The following AKNA variants were observed in gnomAD, a reference collection of about 807,000 sequenced individuals.
AKNA encodes microtubule organization protein AKNA.
AKNA carries 67 observed loss-of-function variants against 138.8 expected under a neutral mutation model. The ratio of observed to expected loss-of-function variants is 0.48; its 90% confidence interval spans 0.40 to 0.59. The LOEUF (loss-of-function observed/expected upper bound fraction) is 0.59. Among genes scored for constraint, AKNA ranks in the 20% least tolerant of loss-of-function variants. The pLI is 0.00. For missense variants in AKNA, 1,813 were observed against 1,880.4 expected (o/e 0.96, Z 0.66); for synonymous variants, 737 against 754.4 (o/e 0.98, Z 0.38).
At position 114,341,928 on chromosome 9, in the gene AKNA, GTTAA is replaced by G. The variant is rs1050377731; in HGVS notation, c.3874+77_3874+80del. On this transcript the variant is annotated intron_variant, in intron 20 of 21. Coordinates refer to ENST00000374088, the MANE Select transcript of AKNA (RefSeq NM_001317950.2). ...CCAGACTGGAACAACAGCTGCTCCA[GTTAA>G]ACTCACCCAGGTCTAATAACCCTGG... The G allele has an allele frequency of 6.3e-6, 9 of 1,428,178 alleles. No individual in the cohort carries two copies. In the African/African-American group the frequency reaches 1.1e-4, roughly 18 times the overall value. The allele number at this position is 1,428,178 out of a possible 1,614,324, so 88.5% of individuals were successfully genotyped here.
rs956441641 is a variant in AKNA, at chr9:114,376,751, C to A, written c.1056G>T (p.Gly352=). 4 of 1,612,406 alleles carry A rather than the reference C, an allele frequency of 2.5e-6. No homozygotes were observed. The highest frequency in any genetic ancestry group is 1.1e-5 in the South Asian group (1 of 90,946). The change falls in exon 3 of 22, where the codon GGG becomes GGT. Residue 352 remains glycine, a synonymous_variant. Coordinates refer to ENST00000374088, the MANE Select transcript of AKNA (RefSeq NM_001317950.2). ...AATCAGGGAGTGGGTAGTTCAACTGCCCCCGGCCATACTTGGGGGCATTAG... is the reference window on the plus strand; with the variant it reads ...AATCAGGGAGTGGGTAGTTCAACTGACCCCGGCCATACTTGGGGGCATTAG... ...SSSNAPKYGR[G]QLNYPLPDFS...
chr9:114,357,860 G>C (rs1158316664), intron 12 of AKNA, 61 bp downstream of exon 12: 3 of 1,574,000 alleles, frequency 1.9e-6, no homozygotes, highest in African/African-American at 1.4e-5. Flanking sequence ...GAAGCAGAAA[G>C]TTGAGAAGAC....
In AKNA at chr9:114,358,174, T is replaced by C. The variant is rs750588062; in HGVS notation, c.2493-7A>G. On this transcript the variant is annotated splice_region_variant and splice_polypyrimidine_tract_variant and intron_variant, in intron 11 of 21. Transcript: ENST00000374088. ...CATCTTCTCCGTGGCCTCCCTGGCA[T>C]GGGAAGAGAAGACCATCCTTGAGTT... The C allele has an allele frequency of 6.2e-7, 1 of 1,613,846 alleles. No homozygotes were observed. The highest frequency in any genetic ancestry group is 1.7e-5 in the Admixed American group (1 of 60,008).
chr9:114,352,789 C>T (rs1204300810), intron 14 of AKNA, among the ~76,000 whole-genome samples: 1 of 151,690 alleles, frequency 6.6e-6, no homozygotes, highest in African/African-American at 2.4e-5. Context: ...GGCGTGGTGG[C>T]GCGTGCCTAT....
intron 5 of AKNA, 160 bp downstream of exon 5, chr9:114,368,279 T>A (rs1670596255): frequency 2.8e-5 from 22 of 788,528 alleles, no homozygotes; most frequent in Non-Finnish European, 3.8e-5. Flanking sequence ...ACTTTCCACA[T>A]CTCTGACCCT....
Position 114,368,611 on chromosome 9 carries a change from G to C in AKNA, c.1417-16C>G. On this transcript the variant is annotated splice_polypyrimidine_tract_variant and intron_variant, in intron 4 of 21. Coordinates refer to ENST00000374088, the MANE Select transcript of AKNA (RefSeq NM_001317950.2). ...ACAGGTTCACCTGTGGAAGCAGGGAGGCACAGCACAGCCAAGTCAGGGTAG... is the reference window on the plus strand; with the variant it reads ...ACAGGTTCACCTGTGGAAGCAGGGACGCACAGCACAGCCAAGTCAGGGTAG... 7.3e-7 allele frequency: 1 copy of C among 1,361,044 alleles called. No individual in the cohort carries two copies. The highest frequency in any genetic ancestry group is 2.2e-5 in the South Asian group (1 of 44,582). The allele number at this position is 1,361,044 out of a possible 1,614,324, so 84.3% of individuals were successfully genotyped here.
intron 20 of AKNA, 80 bp from the exon 21 acceptor site, chr9:114,341,805 C>T: frequency 6.8e-7 from 1 of 1,460,682 alleles, no homozygotes. Flanking sequence ...TCCACCCAGC[C>T]CTTCCCCTAT....
Position 114,341,683 on chromosome 9 carries a change from G to A in AKNA, c.3917C>T (p.Pro1306Leu). 6.2e-7 allele frequency: 1 copy of A among 1,600,672 alleles called. No homozygotes were observed. Among genetic ancestry groups the A allele is most frequent in the South Asian group, 1.1e-5 (1 of 89,914 alleles). The change falls in exon 21 of 22, where the codon CCC becomes CTC. Residue 1306 changes from proline to leucine, a missense_variant. Pro to Leu is a moderately conservative substitution (Grantham distance 98, BLOSUM62 -3). Transcript: ENST00000374088. Reference sequence around the variant, plus strand: ...CTGCTTGCTCCTCTGCTTGGGGCTGGGAGTTGAAGATGCTTTTCTCCTCGT... The same window carrying A: ...CTGCTTGCTCCTCTGCTTGGGGCTGAGAGTTGAAGATGCTTTTCTCCTCGT... ...ATTRRKASST[P>L]SPKQRSKQAG...
intron 21 of AKNA, among the ~76,000 whole-genome samples, chr9:114,339,269 C>T (rs983071039): frequency 4.6e-5 from 7 of 152,256 alleles, no homozygotes; most frequent in African/African-American, 9.6e-5. Context: ...GGCTATGGGA[C>T]GGCTGCCCAG....
chr9:114,363,389 G>A (rs1282960514), intron 7 of AKNA, among the ~76,000 whole-genome samples: 1 of 152,230 alleles, frequency 6.6e-6, no homozygotes, highest in African/African-American at 2.4e-5. Flanking sequence ...CCATTCCCTG[G>A]TCACATCTAA....
chr9:114,355,046 TG>T (rs938658444), intron 14 of AKNA, among the ~76,000 whole-genome samples: 4 of 151,742 alleles, frequency 2.6e-5, no homozygotes, highest in African/African-American at 4.8e-5. Flanking sequence ...GGCTAATTTT[TG>T]TATTTTTAAT....
rs552766486 is a variant in AKNA at position 114,359,924 on chromosome 9, C to T, written c.2263G>A (p.Glu755Lys). 1 of 1,614,200 alleles carries T rather than the reference C, an allele frequency of 6.2e-7. No homozygotes were observed. The highest frequency in any genetic ancestry group is 1.1e-5 in the South Asian group (1 of 91,082). ...TCCATGAGGCCATGGTAAACTTGCTCCATCTGCAGCTCCTTGTGCCTGAGT... is the reference window on the plus strand; with the variant it reads ...TCCATGAGGCCATGGTAAACTTGCTTCATCTGCAGCTCCTTGTGCCTGAGT... ...ARLRHKELQM[E>K]QVYHGLMERY... The change falls in exon 10 of 22, where the codon GAG (glutamate) becomes AAG (lysine). Residue 755 changes from glutamate (E) to lysine (K), a missense_variant. Coordinates refer to ENST00000374088, the MANE Select transcript of AKNA (RefSeq NM_001317950.2).
intron 11 of AKNA, among the ~76,000 whole-genome samples, chr9:114,358,654 G>GTC (rs112040350): frequency 6.6e-6 from 1 of 151,448 alleles, no homozygotes; most frequent in Non-Finnish European, 1.5e-5. Flanking sequence ...CTCTCATACT[G>GTC]TCTCTCTCTC....
At chr9:114,371,614 G>C (rs1485577547) in intron 4 of AKNA, among the ~76,000 whole-genome samples, 2 of 152,230 alleles carry the variant, frequency 1.3e-5, no homozygotes, top group East Asian at 3.9e-4. Context: ...CCACCTGGCT[G>C]TGCCTTGGTG....
intron 2 of AKNA, among the ~76,000 whole-genome samples, chr9:114,378,138 T>C (rs1833377568): frequency 6.6e-6 from 1 of 152,066 alleles, no homozygotes; most frequent in African/African-American, 2.4e-5. Flanking sequence ...TCCATCTCTC[T>C]CCATGGCCCC....
rs1410036007 is a variant in AKNA at position 114,381,100 on chromosome 9, A to T, written c.234T>A (p.Asp78Glu). ...CTCCTGACTCGGAATCCTGATGCCCATCGGGCTGCGGGTGTGGGTCCCACT... is the reference window on the plus strand; with the variant it reads ...CTCCTGACTCGGAATCCTGATGCCCTTCGGGCTGCGGGTGTGGGTCCCACT... ...PLEWDPHPQP[D>E]GHQDSESGET... The change falls in exon 2 of 22, where the codon GAT becomes GAA. Residue 78 changes from aspartate (D) to glutamate (E), a missense_variant. Transcript: ENST00000374088. 6.3e-7 allele frequency: 1 copy of T among 1,599,878 alleles called. No individual in the cohort carries two copies. Among genetic ancestry groups the T allele is most frequent in the African/African-American group, 1.4e-5 (1 of 70,870 alleles).
intron 1 of AKNA, among the ~76,000 whole-genome samples, chr9:114,387,129 A>C (rs1019320913): frequency 2.6e-5 from 4 of 152,058 alleles, no homozygotes; most frequent in African/African-American, 9.7e-5. Context: ...GGGAAGGAAG[A>C]CCACCCCCCA....
Position 114,380,985 on chromosome 9 carries a change from A to G in AKNA, c.274+75T>C. The G allele has an allele frequency of 5.3e-5, 58 of 1,096,452 alleles. No homozygotes were observed. In the African/African-American group the frequency reaches 9.2e-4, roughly 17 times the overall value. The allele number at this position is 1,096,452 out of a possible 1,614,324, so 67.9% of individuals were successfully genotyped here. On this transcript the variant is annotated intron_variant, in intron 2 of 21. Coordinates refer to ENST00000374088, the MANE Select transcript of AKNA (RefSeq NM_001317950.2). ...CAATGAAGCAAGACTCTGTCTCAAA[A>G]AAAAAAAAAAAAAAAAGAACGTGTG...
intron 6 of AKNA, 135 bp from the exon 7 acceptor site, chr9:114,364,754 C>T (rs2787351): frequency 2.3e-6 from 2 of 859,902 alleles, no homozygotes; most frequent in East Asian, 2.6e-5. Context: ...AGCATGGAGA[C>T]GTGGGTGCTG....
Sources: allele counts gnomAD v4.1 joint callset (sites outside exome capture counted in the v4.1 genomes callset), GRCh38; gene constraint gnomAD v4.1.1; transcripts MANE v1.5; gene names NCBI Gene and HGNC (gene_info 2026-07-23, HGNC 2026-07-21).